ATP2C1: variants seen among roughly 807,000 people sequenced by gnomAD.
ATP2C1 encodes the protein ATPase secretory pathway Ca2+ transporting 1.
A neutral mutation model predicts 120.5 loss-of-function variants in ATP2C1; 31 were observed. The ratio of observed to expected loss-of-function variants is 0.26; its 90% confidence interval spans 0.19 to 0.35. The LOEUF is 0.35. ATP2C1 is among the 10% of genes least tolerant of loss of function. The pLI, the probability that ATP2C1 is intolerant of heterozygous loss-of-function variation, is 1.00. For missense variants in ATP2C1, 731 were observed against 1,107.5 expected (o/e 0.66, Z 4.83); for synonymous variants, 351 against 358.7 (o/e 0.98, Z 0.24).
chr3:130,993,191 G>C (rs566832253), intron 21 of ATP2C1, among the ~76,000 whole-genome samples, 190 bp downstream of exon 21: 1 of 152,076 alleles, frequency 6.6e-6, no homozygotes, highest in South Asian at 2.1e-4. Context: ...AGATGTAGAA[G>C]AAAACTTGAA....
At chr3:130,996,554 GT>G in intron 23 of ATP2C1, 125 bp from the exon 24 acceptor site, 1 of 748,602 alleles carries the variant, frequency 1.3e-6, no homozygotes, top group Non-Finnish European at 2.4e-6. Context: ...CTGAAGAATA[GT>G]TTACTTGAAA....
At chr3:130,944,581 C>A (rs529246335) in intron 8 of ATP2C1, among the ~76,000 whole-genome samples, 6 of 152,256 alleles carry the variant, frequency 3.9e-5, no homozygotes, top group African/African-American at 1.4e-4. Context: ...GATTACTTCC[C>A]AGGGCCCCAT....
intron 17 of ATP2C1, 67 bp downstream of exon 17, chr3:130,969,463 C>T: frequency 7.9e-7 from 1 of 1,264,132 alleles, no homozygotes; most frequent in Admixed American, 1.8e-5. Context: ...CATTTACTGT[C>T]CACCTTTGGG....
At chr3:130,856,629 C>T (rs1309518413) in intron 1 of ATP2C1, among the ~76,000 whole-genome samples, 2 of 152,204 alleles carry the variant, frequency 1.3e-5, no homozygotes, top group Non-Finnish European at 2.9e-5. Context: ...AAGTGCTTCT[C>T]CATGTCCCCT....
Position 130,965,009 on chromosome 3 carries a change from TACTC to T in ATP2C1, c.1089_1092del (p.His364TyrfsTer22). The T allele has an allele frequency of 6.2e-7, 1 of 1,612,026 alleles. No individual in the cohort carries two copies. The stretch of plus-strand genomic sequence containing the variant: ...CACTGACGAAGAATGAAATGACTGT[TACTC>T]ACATATTTACTTCAGATGGTCTGCA... On this transcript the variant is annotated frameshift_variant, in exon 14 of 28. Coordinates refer to ENST00000510168, the MANE Select transcript of ATP2C1 (RefSeq NM_001378687.1). LOFTEE classifies it high-confidence loss of function.
chr3:131,010,853 G>A (rs547053465), intron 26 of ATP2C1, among the ~76,000 whole-genome samples: 10 of 152,252 alleles, frequency 6.6e-5, no homozygotes, highest in African/African-American at 1.9e-4. Flanking sequence ...TCTTTGTACT[G>A]CTTAACACTC....
chr3:130,855,579 T>C (rs2067811066), intron 1 of ATP2C1, among the ~76,000 whole-genome samples: 1 of 152,190 alleles, frequency 6.6e-6, no homozygotes, highest in African/African-American at 2.4e-5. Flanking sequence ...CAAGCTCGCA[T>C]GGCTCATCTG....
At chr3:130,874,141 G>A (rs1055220570) in intron 1 of ATP2C1, among the ~76,000 whole-genome samples, 5 of 150,500 alleles carry the variant, frequency 3.3e-5, no homozygotes, top group Admixed American at 3.3e-4. Context: ...AAAAAGAAAA[G>A]ATAAGAAAAA....
intron 2 of ATP2C1, chr3:130,918,885 G>C (rs2058808855): frequency 3.1e-6 from 1 of 318,196 alleles, no homozygotes; most frequent in South Asian, 2.7e-5. Context: ...CCAGCTACTC[G>C]GGAGGCTGAG....
intron 4 of ATP2C1, 103 bp downstream of exon 4, chr3:130,932,241 T>C: frequency 1.3e-6 from 1 of 798,642 alleles, no homozygotes. Flanking sequence ...AGAAAGGAAA[T>C]AATTTTTAGA....
At chr3:130,892,729 T>C (rs569305058), upstream of ATP2C1, among the ~76,000 whole-genome samples, 91 of 151,324 alleles carry the variant, frequency 6.0e-4, no homozygotes, top group Middle Eastern at 3.4e-3. Flanking sequence ...AGAAATCTAC[T>C]TGATAGTGAT....
intron 8 of ATP2C1, among the ~76,000 whole-genome samples, chr3:130,951,078 C>G (rs948027448): frequency 6.6e-6 from 1 of 152,112 alleles, no homozygotes; most frequent in African/African-American, 2.4e-5. Context: ...ACGTGCAACT[C>G]TGACTGTTGT....
intron 18 of ATP2C1, among the ~76,000 whole-genome samples, chr3:130,977,669 T>C (rs534268158): frequency 6.6e-6 from 1 of 152,306 alleles, no homozygotes; most frequent in East Asian, 1.9e-4. Flanking sequence ...ACTGTAACAT[T>C]ATGAAGTAGA....
At chr3:130,896,910 C>T (rs971280325) in intron 2 of ATP2C1, among the ~76,000 whole-genome samples, 11 of 152,166 alleles carry the variant, frequency 7.2e-5, no homozygotes, top group African/African-American at 2.7e-4. Flanking sequence ...CTGGATTCGT[C>T]GCTTACCATT....
intron 1 of ATP2C1, among the ~76,000 whole-genome samples, chr3:130,887,335 A>C (rs2069006622): frequency 6.6e-6 from 1 of 152,016 alleles, no homozygotes; most frequent in Non-Finnish European, 1.5e-5. Context: ...CCTGGGTACC[A>C]CCCATGTTCA....
chr3:130,879,092 T>G lies in ATP2C1; in HGVS notation c.108+28164T>G, dbSNP rs1263790053. ...TATATTTTTTGACAGAGTCTCACTC[T>G]GTTGCCCAGGCTGGATGCAATGGCA... On this transcript the variant is annotated intron_variant, in intron 1 of 26. Coordinates refer to the ATP2C1 transcript ENST00000504381. 6.6e-5 allele frequency among the ~76,000 whole-genome samples: 10 copies of G among 152,204 alleles called. No individual in the cohort carries two copies. The East Asian group carries it at 1.9e-3, about 29-fold the overall frequency.
chr3:130,908,613 T>C (rs2058253254), intron 2 of ATP2C1, among the ~76,000 whole-genome samples: 1 of 152,192 alleles, frequency 6.6e-6, no homozygotes, highest in South Asian at 2.1e-4. Context: ...TTGACTTTTT[T>C]TAAAACAATG....
chr3:130,955,747 C>A (rs373522093), intron 10 of ATP2C1: 16 of 236,766 alleles, frequency 6.8e-5, no homozygotes, highest in Non-Finnish European at 1.3e-4. Flanking sequence ...TTTGTGGATA[C>A]CAAAAGGGAA....
At chr3:130,866,906 G>A (rs1697160072) in intron 1 of ATP2C1, among the ~76,000 whole-genome samples, 1 of 152,074 alleles carries the variant, frequency 6.6e-6, no homozygotes, top group South Asian at 2.1e-4. Context: ...CTTGCATTGA[G>A]GAAGTTCATT....
Sources: gnomAD v4.1 joint callset for allele counts (sites outside exome capture counted in the v4.1 genomes callset) on GRCh38, gnomAD v4.1.1 for gene constraint, MANE v1.5 for transcripts, NCBI Gene and HGNC (gene_info 2026-07-23, HGNC 2026-07-21) for gene names.